STK3: variants seen among roughly 807,000 people sequenced by gnomAD.
STK3 encodes serine/threonine kinase 3.
A neutral mutation model predicts 58.0 loss-of-function variants in STK3; 41 were observed. The ratio of observed to expected loss-of-function variants is 0.71; its 90% CI spans 0.55 to 0.92. The LOEUF (loss-of-function observed/expected upper bound fraction) is 0.92. STK3 is among the 40% of genes least tolerant of loss of function. The pLI, the probability that STK3 is intolerant of heterozygous loss-of-function variation, is 0.00. For missense variants in STK3, 479 were observed against 602.7 expected (o/e 0.79, Z 2.15); for synonymous variants, 170 against 191.0 (o/e 0.89, Z 0.91).
rs754499278 is a variant in STK3, at chr8:98,893,487, A to AAG, written c.-78-9654_-78-9653insCT. On this transcript the variant is annotated intron_variant, in intron 1 of 1. Coordinates refer to the STK3 transcript ENST00000519420. ...GAAAGAAAGAAAGAAAGAAAGAAAG[A>AAG]GAAAGAAAGAAAGAAAGAAAGAAAG... Among the ~76,000 whole-genome samples, 164 of 27,704 alleles carry AAG rather than the reference A, an allele frequency of 5.9e-3. 1 individual carries two copies. The highest frequency in any genetic ancestry group is 7.5e-3 in the Non-Finnish European group (108 of 14,424). 18.2% of individuals were successfully genotyped at this position (27,704 alleles called of 152,430 possible).
chr8:98,764,586 T>G (rs895867911), intron 3 of STK3, among the ~76,000 whole-genome samples: 4 of 152,208 alleles, frequency 2.6e-5, no homozygotes, highest in African/African-American at 9.6e-5. Flanking sequence ...TACACAGGAA[T>G]TTGAAAGGCT....
intron 3 of STK3, among the ~76,000 whole-genome samples, chr8:98,860,485 C>G (rs1006552424): frequency 5.3e-5 from 8 of 152,184 alleles, no homozygotes; most frequent in African/African-American, 1.4e-4. Context: ...CTCAGCAAGC[C>G]TGGAGAAGCC....
chr8:98,442,705 G>A (rs931519215), intron 1 of STK3, among the ~76,000 whole-genome samples: 1 of 152,116 alleles, frequency 6.6e-6, no homozygotes, highest in African/African-American at 2.4e-5. Flanking sequence ...CTTGATTTTT[G>A]CATTGTAATT....
intron 1 of STK3, among the ~76,000 whole-genome samples, chr8:98,792,871 A>G (rs1375958082): frequency 2.0e-5 from 3 of 151,812 alleles, no homozygotes; most frequent in South Asian, 4.2e-4. Flanking sequence ...ATGCCCATCA[A>G]TCAACAACTG....
intron 1 of STK3, chr8:98,438,711 T>A (rs901911856): frequency 1.0e-4 from 1 of 9,694 alleles, no homozygotes; most frequent in African/African-American, 4.6e-4. Flanking sequence ...TGTGTGAGTC[T>A]CTGTGTGTGT....
At position 98,613,724 on chromosome 8, in the gene STK3, C is replaced by T. The variant is rs573154888; in HGVS notation, c.685-17555G>A. On this transcript the variant is annotated intron_variant, in intron 6 of 10. Transcript: ENST00000419617. Reference sequence around the variant, plus strand: ...TAATAATTACATTAAATGTAAATCGCCTAAATATGCCAATTAAAAGGCAAA... The same window carrying T: ...TAATAATTACATTAAATGTAAATCGTCTAAATATGCCAATTAAAAGGCAAA... 2.0e-5 allele frequency among the ~76,000 whole-genome samples: 3 copies of T among 151,620 alleles called. No individual in the cohort carries two copies. In the South Asian group the frequency reaches 6.3e-4, roughly 32 times the overall value.
intron 10 of STK3, among the ~76,000 whole-genome samples, chr8:98,489,061 G>A (rs976980008): frequency 2.0e-5 from 3 of 152,092 alleles, no homozygotes; most frequent in Non-Finnish European, 4.4e-5. Flanking sequence ...GTGGTGAGCT[G>A]GAAGGAGTGG....
chr8:98,471,735 CAAGG>C (rs1284118540), intron 10 of STK3, among the ~76,000 whole-genome samples: 2 of 152,054 alleles, frequency 1.3e-5, no homozygotes, highest in African/African-American at 2.4e-5. Flanking sequence ...TCTTTCTAGA[CAAGG>C]AAGGAATCAC....
intron 4 of STK3, among the ~76,000 whole-genome samples, chr8:98,737,224 T>C (rs1232347196): frequency 6.6e-6 from 1 of 151,922 alleles, no homozygotes; most frequent in Admixed American, 6.6e-5. Flanking sequence ...TAAGTGAATA[T>C]AATAATAAGA....
intron 3 of STK3, among the ~76,000 whole-genome samples, chr8:98,761,661 T>C (rs1176823096): frequency 6.6e-6 from 1 of 152,198 alleles, no homozygotes; most frequent in Non-Finnish European, 1.5e-5. Flanking sequence ...GGATATTCTA[T>C]TAAAACTGAG....
rs559278300 is a variant in STK3 at position 98,597,591 on chromosome 8, C to T, written c.685-1422G>A. ...AGGCCAAATAGTGCCAGTGGACCTA[C>T]TTCGTTCAGACAAAATCAATCTCAC... On this transcript the variant is annotated intron_variant, in intron 6 of 10. Coordinates refer to ENST00000419617, the MANE Select transcript of STK3 (RefSeq NM_006281.4). The T allele has an allele frequency of 3.5e-4, 349 of 985,270 alleles. 1 individual carries two copies. The highest frequency in any genetic ancestry group is 1.3e-3 in the South Asian group (28 of 21,290). 61.0% of individuals were successfully genotyped at this position (985,270 alleles called of 1,614,324 possible).
At chr8:98,649,762 C>T (rs1820727203) in intron 6 of STK3, among the ~76,000 whole-genome samples, 1 of 152,112 alleles carries the variant, frequency 6.6e-6, no homozygotes, top group African/African-American at 2.4e-5. Context: ...TTAACTAGAA[C>T]TGCAATTAAC....
At chr8:98,597,178 C>T (rs1055065068) in intron 6 of STK3, 26 of 639,132 alleles carry the variant, frequency 4.1e-5, no homozygotes, top group Middle Eastern at 7.6e-4. Context: ...TAATAATTGC[C>T]TATATCATTC....
chr8:98,930,894 C>T (rs1459101279), intron 1 of STK3, among the ~76,000 whole-genome samples: 5 of 152,172 alleles, frequency 3.3e-5, no homozygotes, highest in Non-Finnish European at 7.3e-5. Context: ...ATGTGAATGT[C>T]ATTCTGAGAA....
intron 10 of STK3, among the ~76,000 whole-genome samples, chr8:98,477,702 CG>C (rs1286720911): frequency 1.8e-3 from 4 of 2,278 alleles, no homozygotes; most frequent in African/African-American, 6.3e-3. Flanking sequence ...TCACACTTGG[CG>C]GGGGGGGGGG....
At chr8:98,932,453 A>C (rs1185027195) in intron 1 of STK3, among the ~76,000 whole-genome samples, 1 of 152,240 alleles carries the variant, frequency 6.6e-6, no homozygotes, top group African/African-American at 2.4e-5. Context: ...CCAGGGAAAC[A>C]GTACTCCCCA....
intron 3 of STK3, among the ~76,000 whole-genome samples, chr8:98,419,014 A>G (rs1586554313): frequency 6.6e-6 from 1 of 152,126 alleles, no homozygotes; most frequent in Admixed American, 6.5e-5. Context: ...CCTGCCACCA[A>G]CGGCATGTAT....
chr8:98,809,060 C>T (rs889240256), intron 1 of STK3, among the ~76,000 whole-genome samples: 22 of 152,220 alleles, frequency 1.4e-4, no homozygotes, highest in Admixed American at 2.0e-4. Flanking sequence ...AACACATCCA[C>T]GTGCTGAAAG....
At chr8:98,908,518 A>T (rs1839001376) in intron 1 of STK3, among the ~76,000 whole-genome samples, 1 of 151,912 alleles carries the variant, frequency 6.6e-6, no homozygotes, top group Non-Finnish European at 1.5e-5. Flanking sequence ...ACACCATTGC[A>T]CTCCATCCTG....
Sources: allele counts gnomAD v4.1 joint callset (sites outside exome capture counted in the v4.1 genomes callset), GRCh38; gene constraint gnomAD v4.1.1; transcripts MANE v1.5; gene names NCBI Gene and HGNC (gene_info 2026-07-23, HGNC 2026-07-21).